The following DOK3 variants were observed in gnomAD, a reference collection of about 807,000 sequenced individuals.
DOK3 encodes the protein Dok-like protein.
A neutral mutation model predicts 26.2 loss-of-function variants in DOK3; 23 were observed. The observed-to-expected ratio is 0.88, with a 90% CI of 0.63 to 1.24. The LOEUF is 1.24. Ranked by LOEUF, DOK3 falls within the 50% of genes most tolerant of loss-of-function variation. The pLI is 0.00. For missense variants in DOK3, 619 were observed against 610.6 expected, an observed-to-expected ratio of 1.01 and a Z score of -0.15; for synonymous variants, 268 against 268.2, an observed-to-expected ratio of 1.00 and a Z score of 0.01.
In DOK3 at chr5:177,503,708, AG is replaced by A; in HGVS notation, c.*274del. On this transcript the variant is annotated 3_prime_UTR_variant, in exon 6 of 6. Coordinates refer to ENST00000510898, the MANE Select transcript of DOK3 (RefSeq NM_001308236.3). Reference sequence around the variant, plus strand: ...TCACCTGTGCCCCTGGAACCGGCACAGGGTGCTTGTGTTGGCCGCAATGAAC... The same window carrying A: ...TCACCTGTGCCCCTGGAACCGGCACAGGTGCTTGTGTTGGCCGCAATGAAC... 7.1e-7 allele frequency: 1 copy of A among 1,403,018 alleles called. No homozygotes were observed. Among genetic ancestry groups the A allele is most frequent in the Non-Finnish European group, 9.2e-7 (1 of 1,082,866 alleles). The allele number at this position is 1,403,018 out of a possible 1,614,324, so 86.9% of individuals were successfully genotyped here.
upstream of DOK3, chr5:177,509,911 C>T: frequency 6.3e-7 from 1 of 1,595,826 alleles, no homozygotes; most frequent in Non-Finnish European, 8.5e-7. Flanking sequence ...GCCTGACACT[C>T]CCTGGCCCTG....
upstream of DOK3, chr5:177,509,840 CTCCCCGAG>C (rs1760762947): frequency 1.9e-6 from 3 of 1,610,940 alleles, no homozygotes; most frequent in Non-Finnish European, 2.5e-6. Flanking sequence ...CGCAGTCTGG[CTCCCCGAG>C]TCATGAGTTC....
rs112182392 is a variant in DOK3, at chr5:177,504,632, C to T, written c.674G>A (p.Arg225His). The T allele has an allele frequency of 5.0e-6, 8 of 1,611,194 alleles. No homozygotes were observed. The African/African-American group carries it at 5.3e-5, about 11-fold the overall frequency. ...KGVFSFEAGRRCHSGEGLFAF... is the reference protein window; with the variant it reads ...KGVFSFEAGRHCHSGEGLFAF... ...AAAGAGGCCCTCACCCGAGTGGCAGCGACGGCCGGCCTCAAAGGAGAACAC... is the reference window on the plus strand; with the variant it reads ...AAAGAGGCCCTCACCCGAGTGGCAGTGACGGCCGGCCTCAAAGGAGAACAC... Residue 225 changes from arginine (R) to histidine (H), a missense_variant, in exon 6 of 6, where the codon CGC becomes CAC. Transcript: ENST00000510898.
In DOK3 at chr5:177,509,565, C is replaced by A; in HGVS notation, c.-25G>T. On this transcript the variant is annotated 5_prime_UTR_variant, in exon 2 of 6. Transcript: ENST00000510898. ...TGGTCACGGCCAGGAGCAGGGCCGCCGCTTCAAGACCTGGGGAGACTGATG... is the reference window on the plus strand; with the variant it reads ...TGGTCACGGCCAGGAGCAGGGCCGCAGCTTCAAGACCTGGGGAGACTGATG... 1.2e-6 allele frequency: 2 copies of A among 1,609,646 alleles called. No individual in the cohort carries two copies. Among genetic ancestry groups the A allele is most frequent in the African/African-American group, 1.3e-5 (1 of 74,944 alleles).
At chr5:177,505,822 C>T (rs938552684) in intron 3 of DOK3, among the ~76,000 whole-genome samples, 10 of 151,874 alleles carry the variant, frequency 6.6e-5, no homozygotes, top group African/African-American at 1.7e-4. Flanking sequence ...CTGCAAGCTC[C>T]GCCTCCCAGG....
chr5:177,508,272 C>A lies in DOK3; in HGVS notation c.337G>T (p.Ala113Ser). ...AGCTGGCAGATGGGGCCCATCCAGG[C>A]CTGGCGGTGCTGAGCAGCCAGTAGA... ...SHLLAAQHRQ[A>S]WMGPICQLAF... Residue 113 changes from alanine (A) to serine (S), a missense_variant, in exon 3 of 6, where the codon GCC (alanine) becomes TCC (serine). Coordinates refer to ENST00000510898, the MANE Select transcript of DOK3 (RefSeq NM_001308236.3). 6.4e-7 allele frequency: 1 copy of A among 1,552,004 alleles called. No homozygotes were observed. The highest frequency in any genetic ancestry group is 8.7e-7 in the Non-Finnish European group (1 of 1,147,768).
chr5:177,503,459 C>T lies in DOK3; in HGVS notation c.*524G>A, dbSNP rs1759572349. 2 of 1,474,408 alleles carry T rather than the reference C, an allele frequency of 1.4e-6. No individual in the cohort carries two copies. Among genetic ancestry groups the T allele is most frequent in the African/African-American group, 1.4e-5 (1 of 71,062 alleles). 91.3% of individuals were successfully genotyped at this position (1,474,408 alleles called of 1,614,324 possible). A position where few individuals can be genotyped will look rare whatever the true frequency, so the allele number is the denominator to read the frequency against. On this transcript the variant is annotated 3_prime_UTR_variant, in exon 6 of 6. Coordinates refer to ENST00000510898, the MANE Select transcript of DOK3 (RefSeq NM_001308236.3). ...ACGAGGGTGTCTCTGAAATCCCTTC[C>T]ACCTGCACCCCGCCCCCACTGCCTC...
Position 177,504,670 on chromosome 5 carries a change from G to GGGCACAC in DOK3, c.646-17_646-11dup. On this transcript the variant is annotated splice_polypyrimidine_tract_variant and intron_variant, in intron 5 of 5. Coordinates refer to ENST00000510898, the MANE Select transcript of DOK3 (RefSeq NM_001308236.3). ...CAAAGGAGAACACGCCCTGGGCACA[G>GGGCACAC]GGCACACGGGTGGGGATTAGCAGGA... is the stretch of plus-strand genomic sequence containing the variant. 6.2e-7 allele frequency: 1 copy of GGGCACAC among 1,613,430 alleles called. No homozygotes were observed.
In DOK3 at chr5:177,505,043, T is replaced by G. The variant is rs773259409; in HGVS notation, c.440A>C (p.Glu147Ala). ...CCAGGAGGAGTAGATGGAGTTTTCC[T>G]CCATGGGGACCAGGCCCCTCTTGGG... Reference protein sequence around the residue: ...QSPKRGLVPMEENSIYSSWQE... With the variant: ...QSPKRGLVPMAENSIYSSWQE... Residue 147 changes from glutamate (E) to alanine (A), a missense_variant, in exon 4 of 6, where the codon GAG becomes GCG. Transcript: ENST00000510898. 46 of 1,612,196 alleles carry G rather than the reference T, an allele frequency of 2.9e-5. No homozygotes were observed. The highest frequency in any genetic ancestry group is 3.8e-5 in the Non-Finnish European group (45 of 1,179,216).
intron 2 of DOK3, 162 bp from the exon 3 acceptor site, chr5:177,508,704 T>C: frequency 2.7e-6 from 2 of 735,190 alleles, no homozygotes; most frequent in Non-Finnish European, 2.1e-6. Context: ...TGCTTGGGAT[T>C]GGTCAGCCCT....
chr5:177,506,353 C>G (rs1415329271), intron 3 of DOK3, among the ~76,000 whole-genome samples: 1 of 122,786 alleles, frequency 8.1e-6, no homozygotes, highest in Non-Finnish European at 1.6e-5. Flanking sequence ...TTTTTTGAGA[C>G]AAAGTCTTGC....
At position 177,508,534 on chromosome 5, in the gene DOK3, C is replaced by A; in HGVS notation, c.75G>T (p.Trp25Cys). ...CATACAGCAGAGCCCACACCTTCCG[C>A]CAGCACTTCTGCGGGAGGGGAGCGG... ...QQHVKFGKKC[W>C]RKVWALLYAG... The change falls in exon 3 of 6, where the codon TGG (tryptophan) becomes TGT (cysteine). Residue 25 changes from tryptophan (W) to cysteine (C), a missense_variant. Trp to Cys is a radical substitution (Grantham distance 215). Transcript: ENST00000510898. The A allele has an allele frequency of 4.5e-6, 7 of 1,544,902 alleles. No homozygotes were observed. The highest frequency in any genetic ancestry group is 6.2e-6 in the Non-Finnish European group (7 of 1,136,442).
At chr5:177,508,169 G>T in intron 3 of DOK3, 68 bp downstream of exon 3, 1 of 1,410,294 alleles carries the variant, frequency 7.1e-7, no homozygotes, top group Non-Finnish European at 9.3e-7. Context: ...GATGGGATGT[G>T]AGCGTGGAGG....
Position 177,509,674 on chromosome 5 carries a change from G to C in DOK3, c.-117-17C>G, listed in dbSNP as rs958269174. ...TAGAGACAGCTGCAGGCCGGGGGGAGGGGAGCCTGTCTTCAGCTCAGGGGC... is the reference window on the plus strand; with the variant it reads ...TAGAGACAGCTGCAGGCCGGGGGGACGGGAGCCTGTCTTCAGCTCAGGGGC... On this transcript the variant is annotated splice_polypyrimidine_tract_variant and intron_variant, in intron 1 of 5. Transcript: ENST00000510898. The C allele has an allele frequency of 1.3e-6, 2 of 1,592,316 alleles. No homozygotes were observed. The highest frequency in any genetic ancestry group is 2.2e-5 in the East Asian group (1 of 44,524).
chr5:177,510,413 C>CGTGA (rs1432257572), upstream of DOK3: 1 of 153,958 alleles, frequency 6.5e-6, no homozygotes, highest in Non-Finnish European at 1.4e-5. Flanking sequence ...GCCCCAACCA[C>CGTGA]GTGAGTGTGG....
Position 177,508,464 on chromosome 5 carries a change from G to A in DOK3, c.145C>T (p.Arg49Trp), listed in dbSNP as rs1021192837. 8.1e-5 allele frequency: 129 copies of A among 1,590,956 alleles called. No homozygotes were observed. The highest frequency in any genetic ancestry group is 1.0e-4 in the Non-Finnish European group (121 of 1,170,170). ...GVARLESWEV[R>W]DGGLGAAGDR... ...CCCGCTGCTCCCAGGCCACCATCCC[G>A]GACCTCCCAGCTCTCCAGCCGTGCC... Residue 49 changes from arginine (R) to tryptophan (W), a missense_variant, in exon 3 of 6, where the codon CGG (arginine) becomes TGG (tryptophan). By Grantham distance (101) the Arg-to-Trp change is moderately radical. Transcript: ENST00000510898.
In DOK3 at chr5:177,505,000, C is replaced by T; in HGVS notation, c.472+11G>A. The stretch of plus-strand genomic sequence containing the variant: ...GGGGCTGAGGCTGCCCTTGCACGTC[C>T]TCCAACTTACCTTCCTGCCAGGAGG... On this transcript the variant is annotated intron_variant, in intron 4 of 5. Coordinates refer to ENST00000510898, the MANE Select transcript of DOK3 (RefSeq NM_001308236.3). 6.2e-7 allele frequency: 1 copy of T among 1,602,850 alleles called. No homozygotes were observed. Among genetic ancestry groups the T allele is most frequent in the Non-Finnish European group, 8.5e-7 (1 of 1,174,364 alleles).
chr5:177,505,130 C>A lies in DOK3; in HGVS notation c.373-20G>T. ...TGTCCCCTGGGGAATGAGTTCAAGTCAAAGGTGAGAGCACCGCACTCCCAT... is the reference window on the plus strand; with the variant it reads ...TGTCCCCTGGGGAATGAGTTCAAGTAAAAGGTGAGAGCACCGCACTCCCAT... On this transcript the variant is annotated intron_variant, in intron 3 of 5. Transcript: ENST00000510898. 1.3e-6 allele frequency: 2 copies of A among 1,587,548 alleles called. No homozygotes were observed. Among genetic ancestry groups the A allele is most frequent in the South Asian group, 1.1e-5 (1 of 87,448 alleles).
Position 177,503,306 on chromosome 5 carries a change from ACT to A in DOK3, c.*675_*676del, listed in dbSNP as rs774925542. 1 of 1,551,260 alleles carries A rather than the reference ACT, an allele frequency of 6.4e-7. No individual in the cohort carries two copies. The highest frequency in any genetic ancestry group is 1.2e-5 in the South Asian group (1 of 84,056). On this transcript the variant is annotated 3_prime_UTR_variant, in exon 6 of 6. Coordinates refer to ENST00000510898, the MANE Select transcript of DOK3 (RefSeq NM_001308236.3). The stretch of plus-strand genomic sequence containing the variant: ...CTGGCACTGAGTAGGCACGCAGCAA[ACT>A]CTCATCAAGGATTATGCCTGATACG...
Sources: gnomAD v4.1 joint callset for allele counts (sites outside exome capture counted in the v4.1 genomes callset) on GRCh38, gnomAD v4.1.1 for gene constraint, MANE v1.5 for transcripts, NCBI Gene and HGNC (gene_info 2026-07-23, HGNC 2026-07-21) for gene names.